NETO1: variants seen among roughly 807,000 people sequenced by gnomAD.
NETO1 encodes neuropilin and tolloid like 1.
Under a neutral mutation model 61.3 loss-of-function variants are expected in NETO1, and 26 were observed. The ratio of observed to expected loss-of-function variants is 0.42; its 90% CI spans 0.31 to 0.59. NETO1 has a LOEUF of 0.59. Ranked by LOEUF, NETO1 falls within the 20% of genes least tolerant of loss-of-function variation. The probability of loss-of-function intolerance (pLI) is 0.12; values close to 1 mark genes in which losing one functional copy is unlikely to be tolerated. For synonymous variants in NETO1, 225 were observed against 225.8 expected (o/e 1.00, Z 0.03); for missense variants, 531 against 662.8 (o/e 0.80, Z 2.18).
chr18:72,766,220 A>ATATGTG (rs1491565058), intron 7 of NETO1, among the ~76,000 whole-genome samples: 6 of 144,676 alleles, frequency 4.1e-5, no homozygotes, highest in Admixed American at 1.4e-4. Context: ...AAAAAAAAAT[A>ATATGTG]TGTGTGTGTG....
chr18:72,778,816 C>G (rs893182053), intron 7 of NETO1, among the ~76,000 whole-genome samples: 1 of 152,116 alleles, frequency 6.6e-6, no homozygotes, highest in Admixed American at 6.6e-5. Flanking sequence ...TTTCTAGCAC[C>G]TCAGAACTCC....
chr18:72,788,905 C>T (rs1478926365), intron 6 of NETO1, among the ~76,000 whole-genome samples: 2 of 152,002 alleles, frequency 1.3e-5, no homozygotes, highest in African/African-American at 4.8e-5. Context: ...AGAAAATAGA[C>T]ATTATTTGAG....
chr18:72,785,798 C>G (rs1267007530), intron 6 of NETO1, among the ~76,000 whole-genome samples: 1 of 152,172 alleles, frequency 6.6e-6, no homozygotes, highest in Non-Finnish European at 1.5e-5. Flanking sequence ...ACATTAGCTT[C>G]ACATTCTCCA....
At chr18:72,798,872 C>G (rs2072408112) in intron 4 of NETO1, among the ~76,000 whole-genome samples, 1 of 152,220 alleles carries the variant, frequency 6.6e-6, no homozygotes, top group Non-Finnish European at 1.5e-5. Context: ...TTCTCCAAGA[C>G]CACTCTGTAC....
chr18:72,787,458 C>T lies in NETO1; in HGVS notation c.640-3552G>A, dbSNP rs909087511. 2.6e-5 allele frequency among the ~76,000 whole-genome samples: 4 copies of T among 151,930 alleles called. No homozygotes were observed. In the East Asian group the frequency reaches 7.7e-4, roughly 29 times the overall value. On this transcript the variant is annotated intron_variant, in intron 6 of 10. Coordinates refer to ENST00000327305, the MANE Select transcript of NETO1 (RefSeq NM_138966.5). ...CTAATACAAAAAAAAGCTATTAGAC[C>T]ACCTGATGTTTTCAAGTTGAAATGT... is the stretch of plus-strand genomic sequence containing the variant.
At position 72,792,406 on chromosome 18, in the gene NETO1, G is replaced by A. The variant is rs1009655860; in HGVS notation, c.639+1711C>T. 1.2e-4 allele frequency among the ~76,000 whole-genome samples: 19 copies of A among 152,164 alleles called. 1 individual carries two copies. The South Asian group carries it at 2.5e-3, about 20-fold the overall frequency. On this transcript the variant is annotated intron_variant, in intron 6 of 10. Transcript: ENST00000327305. ...TGCACTCCAGCCTGGGAGACAGAAT[G>A]AGACTCTGTCTCAAAAACAAACAAA...
intron 4 of NETO1, chr18:72,834,124 G>T (rs2073666656): frequency 1.9e-5 from 17 of 903,732 alleles, no homozygotes; most frequent in Admixed American, 6.2e-5. Context: ...TCAATACTCT[G>T]GTATTTAGAG....
At chr18:72,785,306 T>C (rs565175413) in intron 6 of NETO1, among the ~76,000 whole-genome samples, 12 of 152,162 alleles carry the variant, frequency 7.9e-5, no homozygotes, top group Non-Finnish European at 1.6e-4. Flanking sequence ...TTAGTGAAAA[T>C]GTATCTCTTG....
chr18:72,858,025 T>C (rs1368899880), intron 4 of NETO1, among the ~76,000 whole-genome samples: 1 of 152,136 alleles, frequency 6.6e-6, no homozygotes, highest in African/African-American at 2.4e-5. Flanking sequence ...CTAACTTAAA[T>C]AAAACAATAC....
chr18:72,864,715 T>G, intron 3 of NETO1, 93 bp downstream of exon 3: 1 of 1,500,338 alleles, frequency 6.7e-7, no homozygotes, highest in South Asian at 1.2e-5. Context: ...AGATCAATTT[T>G]GTAATGCCTA....
At chr18:72,782,637 T>G (rs2071782434) in intron 7 of NETO1, among the ~76,000 whole-genome samples, 1 of 152,076 alleles carries the variant, frequency 6.6e-6, no homozygotes, top group African/African-American at 2.4e-5. Flanking sequence ...AAACCCCATC[T>G]CTACTAATAA....
At chr18:72,805,083 G>T (rs1034364545) in intron 4 of NETO1, among the ~76,000 whole-genome samples, 2 of 152,162 alleles carry the variant, frequency 1.3e-5, no homozygotes, top group African/African-American at 4.8e-5. Flanking sequence ...CCATGTTACA[G>T]TGTTGTTCAT....
chr18:72,805,799 C>T (rs537818242), intron 4 of NETO1, among the ~76,000 whole-genome samples: 5 of 151,974 alleles, frequency 3.3e-5, no homozygotes, highest in Admixed American at 6.6e-5. Context: ...TTGGGAGTGA[C>T]GTAACCTAAA....
intron 7 of NETO1, among the ~76,000 whole-genome samples, chr18:72,759,048 G>C (rs969163053): frequency 1.3e-5 from 2 of 152,122 alleles, no homozygotes; most frequent in African/African-American, 4.8e-5. Flanking sequence ...TCCTGGTTAA[G>C]AACTACAATG....
At chr18:72,773,845 A>G (rs1233150225) in intron 7 of NETO1, among the ~76,000 whole-genome samples, 1 of 152,198 alleles carries the variant, frequency 6.6e-6, no homozygotes, top group African/African-American at 2.4e-5. Context: ...CAAGGTGAGA[A>G]TGTCTTGGTT....
Position 72,860,958 on chromosome 18 carries a change from A to C in NETO1, c.221-1884T>G, listed in dbSNP as rs996171177. Among the ~76,000 whole-genome samples, 14 of 152,246 alleles carry C rather than the reference A, an allele frequency of 9.2e-5. No individual in the cohort carries two copies. In the East Asian group the frequency reaches 2.5e-3, roughly 27 times the overall value. ...AGTATAACAAGTTTTATGATGAAAC[A>C]AATTATTTCGGATTGTAGGTTAATT... On this transcript the variant is annotated intron_variant, in intron 3 of 10. Coordinates refer to ENST00000327305, the MANE Select transcript of NETO1 (RefSeq NM_138966.5).
At chr18:72,792,261 G>A (rs1275217422) in intron 6 of NETO1, among the ~76,000 whole-genome samples, 29 of 151,948 alleles carry the variant, frequency 1.9e-4, no homozygotes, top group Non-Finnish European at 4.4e-5. Context: ...GAGAAACCCC[G>A]TCTCTAATAA....
chr18:72,756,290 A>C, intron 7 of NETO1, 143 bp from the exon 8 acceptor site: 1 of 537,194 alleles, frequency 1.9e-6, no homozygotes, highest in Non-Finnish European at 3.4e-6. Context: ...GATTTTCAGA[A>C]ACGGTGCCGT....
chr18:72,751,438 G>T (rs1568169666), intron 8 of NETO1, among the ~76,000 whole-genome samples: 1 of 152,186 alleles, frequency 6.6e-6, no homozygotes, highest in Admixed American at 6.5e-5. Context: ...TCTCCCTGCA[G>T]CTCCCAGTTA....
Sources: gnomAD v4.1 joint callset for allele counts (sites outside exome capture counted in the v4.1 genomes callset) on GRCh38, gnomAD v4.1.1 for gene constraint, MANE v1.5 for transcripts, NCBI Gene and HGNC (gene_info 2026-07-23, HGNC 2026-07-21) for gene names.